The following ATP8B4 variants were observed in gnomAD, a reference collection of about 807,000 sequenced individuals.
ATP8B4 encodes ATPase phospholipid transporting 8B4 (putative).
In ATP8B4, 133 loss-of-function variants were observed where a neutral mutation model predicts 145.6. The observed-to-expected ratio is 0.91, with a 90% CI of 0.79 to 1.05. ATP8B4 has a LOEUF of 1.05. ATP8B4 is among the 50% of genes least tolerant of loss of function. The pLI, the probability that ATP8B4 is intolerant of heterozygous loss-of-function variation, is 0.00. For synonymous variants in ATP8B4, 507 were observed against 492.9 expected, an observed-to-expected ratio of 1.03 and a Z score of -0.38; for missense variants, 1,458 against 1,425.2, an observed-to-expected ratio of 1.02 and a Z score of -0.37.
At chr15:49,870,595 G>T (rs1407786608) in intron 25 of ATP8B4, among the ~76,000 whole-genome samples, 3 of 152,174 alleles carry the variant, frequency 2.0e-5, no homozygotes, top group Admixed American at 6.5e-5. Flanking sequence ...AGCTTAAACA[G>T]TGAGGAAAGG....
intron 14 of ATP8B4, among the ~76,000 whole-genome samples, chr15:49,954,385 A>G (rs2043370880): frequency 6.6e-6 from 1 of 152,234 alleles, no homozygotes; most frequent in Non-Finnish European, 1.5e-5. Flanking sequence ...CCATCAAGAG[A>G]GTAAACAGAC....
upstream of ATP8B4, among the ~76,000 whole-genome samples, chr15:50,121,663 G>GA (rs373552516): frequency 0.013 from 1,943 of 147,684 alleles, 39 homozygotes; most frequent in African/African-American, 0.046. Flanking sequence ...TAGGATACAA[G>GA]AAAAAAAAAA....
intron 23 of ATP8B4, chr15:49,896,710 T>C (rs1454155923): frequency 6.6e-6 from 1 of 152,240 alleles, no homozygotes; most frequent in Non-Finnish European, 1.5e-5. Flanking sequence ...TTTTCTGATA[T>C]TGAAGATGTG....
intron 14 of ATP8B4, among the ~76,000 whole-genome samples, chr15:49,940,996 T>G (rs1457224360): frequency 6.6e-6 from 1 of 152,072 alleles, no homozygotes; most frequent in Non-Finnish European, 1.5e-5. Context: ...AACTATATTT[T>G]TAGGGAAATT....
intron 20 of ATP8B4, chr15:49,902,415 A>G (rs1320524524): frequency 6.6e-6 from 1 of 152,212 alleles, no homozygotes; most frequent in Non-Finnish European, 1.5e-5. Context: ...TGTAACACCA[A>G]TTGTTTACAT....
intron 1 of ATP8B4, among the ~76,000 whole-genome samples, chr15:50,174,314 A>T (rs895491420): frequency 5.9e-5 from 9 of 152,190 alleles, no homozygotes; most frequent in Non-Finnish European, 1.0e-4. Context: ...CGAGAGAAAG[A>T]AATATAGAGC....
chr15:50,138,749 C>A (rs1297435728), intron 1 of ATP8B4, among the ~76,000 whole-genome samples: 1 of 152,190 alleles, frequency 6.6e-6, no homozygotes, highest in Non-Finnish European at 1.5e-5. Flanking sequence ...CCAGTCACTT[C>A]TTATCTTTTT....
At chr15:50,036,838 C>T (rs897338277) in intron 6 of ATP8B4, among the ~76,000 whole-genome samples, 1 of 152,190 alleles carries the variant, frequency 6.6e-6, no homozygotes, top group Admixed American at 6.5e-5. Flanking sequence ...AAAAAATGCT[C>T]CATTCCATTC....
chr15:49,915,271 A>C (rs1212197461), intron 20 of ATP8B4, among the ~76,000 whole-genome samples: 14 of 152,172 alleles, frequency 9.2e-5, no homozygotes, highest in Admixed American at 9.2e-4. Flanking sequence ...TCTCATAGAG[A>C]GTAGAATGAT....
intron 1 of ATP8B4, among the ~76,000 whole-genome samples, chr15:50,142,361 C>G (rs369516894): frequency 6.6e-6 from 1 of 152,084 alleles, no homozygotes; most frequent in Non-Finnish European, 1.5e-5. Flanking sequence ...AGAGTTATCA[C>G]GAAAGGTACC....
At chr15:49,985,460 T>C (rs1031340191) in intron 10 of ATP8B4, among the ~76,000 whole-genome samples, 8 of 152,330 alleles carry the variant, frequency 5.3e-5, no homozygotes, top group African/African-American at 1.9e-4. Context: ...TCTTAAGACT[T>C]AGAGGTTTTG....
intron 3 of ATP8B4, among the ~76,000 whole-genome samples, chr15:50,054,517 C>G (rs2052434426): frequency 6.6e-6 from 1 of 152,160 alleles, no homozygotes; most frequent in Admixed American, 6.5e-5. Context: ...GGCACGGTGG[C>G]TCACGCCGGT....
chr15:50,089,136 A>G lies in ATP8B4; in HGVS notation c.29-14951T>C, dbSNP rs529596225. Among the ~76,000 whole-genome samples the G allele has an allele frequency of 6.6e-5, 10 of 152,320 alleles. No individual in the cohort carries two copies. The East Asian group carries it at 1.2e-3, about 18-fold the overall frequency. On this transcript the variant is annotated intron_variant, in intron 2 of 27. Transcript: ENST00000284509. ...TTATATGAAAATTAACTCAAGATGGATTAAAGACTCAAATGTAAAACCCAA... is the reference window on the plus strand; with the variant it reads ...TTATATGAAAATTAACTCAAGATGGGTTAAAGACTCAAATGTAAAACCCAA...
chr15:49,884,685 T>C (rs886324738), intron 23 of ATP8B4, among the ~76,000 whole-genome samples: 1 of 150,678 alleles, frequency 6.6e-6, no homozygotes, highest in Non-Finnish European at 1.5e-5. Context: ...ATTGAGAGCA[T>C]ACACAATTTT....
chr15:49,992,778 T>G (rs1237450821), intron 9 of ATP8B4, among the ~76,000 whole-genome samples: 1 of 152,120 alleles, frequency 6.6e-6, no homozygotes, highest in Non-Finnish European at 1.5e-5. Context: ...ATACCCAGAT[T>G]TGCCCAGAAG....
intron 1 of ATP8B4, among the ~76,000 whole-genome samples, chr15:50,145,598 A>G (rs2044265837): frequency 6.6e-6 from 1 of 152,170 alleles, no homozygotes; most frequent in South Asian, 2.1e-4. Context: ...TGGAAATTTT[A>G]CTAAATGTGA....
intron 1 of ATP8B4, among the ~76,000 whole-genome samples, chr15:50,172,353 G>A (rs536549325): frequency 8.6e-4 from 131 of 152,348 alleles, no homozygotes; most frequent in African/African-American, 2.8e-3. Flanking sequence ...CCTCTTGGCC[G>A]GGCTGGTCTC....
intron 14 of ATP8B4, among the ~76,000 whole-genome samples, chr15:49,938,869 C>T (rs1038837184): frequency 6.6e-6 from 1 of 152,134 alleles, no homozygotes; most frequent in Non-Finnish European, 1.5e-5. Flanking sequence ...TAAAGCAAAT[C>T]TCAACAAAGT....
At chr15:49,969,689 AAATAC>A (rs2044904796) in intron 13 of ATP8B4, among the ~76,000 whole-genome samples, 1 of 152,218 alleles carries the variant, frequency 6.6e-6, no homozygotes, top group East Asian at 1.9e-4. Flanking sequence ...AATGTACCAG[AAATAC>A]AAAGAGGAGC....
Sources: allele counts gnomAD v4.1 joint callset (sites outside exome capture counted in the v4.1 genomes callset), GRCh38; gene constraint gnomAD v4.1.1; transcripts MANE v1.5; gene names NCBI Gene and HGNC (gene_info 2026-07-23, HGNC 2026-07-21).